The following CSE1L variants were observed in gnomAD, a reference collection of about 807,000 sequenced individuals.
CSE1L encodes exportin-2.
A neutral mutation model predicts 120.4 loss-of-function variants in CSE1L; 24 were observed. The observed-to-expected ratio is 0.20, with a 90% CI of 0.14 to 0.28. The LOEUF (loss-of-function observed/expected upper bound fraction) is 0.28. Ranked by LOEUF, CSE1L falls within the 10% of genes least tolerant of loss-of-function variation. CSE1L has a pLI of 1.00. For synonymous variants in CSE1L, 402 were observed against 398.3 expected, an observed-to-expected ratio of 1.01 and a Z score of -0.11; for missense variants, 830 against 1,145.2, an observed-to-expected ratio of 0.72 and a Z score of 3.97.
At chr20:49,053,350 T>C (rs1381089266) in intron 1 of CSE1L, among the ~76,000 whole-genome samples, 13 of 49,576 alleles carry the variant, frequency 2.6e-4, no homozygotes, top group African/African-American at 1.3e-3. Flanking sequence ...AAACTAACTT[T>C]TTTTTTTTTT....
intron 1 of CSE1L, among the ~76,000 whole-genome samples, chr20:49,055,277 T>C (rs1256267587): frequency 3.3e-5 from 5 of 152,238 alleles, no homozygotes; most frequent in Non-Finnish European, 4.4e-5. Context: ...AAACAAACTT[T>C]TAAGTTTTTT....
intron 1 of CSE1L, among the ~76,000 whole-genome samples, chr20:49,055,648 G>A (rs2091800701): frequency 6.6e-6 from 1 of 152,132 alleles, no homozygotes; most frequent in African/African-American, 2.4e-5. Flanking sequence ...GAGCCCTGGA[G>A]GTTGAGGCTG....
Position 49,096,678 on chromosome 20 carries a change from G to A in CSE1L, c.*240G>A. The A allele has an allele frequency of 1.9e-6, 1 of 538,024 alleles. No homozygotes were observed. The allele number at this position is 538,024 out of a possible 1,614,324, so 33.3% of individuals were successfully genotyped here. A position where few individuals can be genotyped will look rare whatever the true frequency, so the allele number is the denominator to read the frequency against. ...TCAAGGGACAAGTATTAATAGTTCAGTGTATGGCGTTGGTTTGTGTTGAGC... is the reference window on the plus strand; with the variant it reads ...TCAAGGGACAAGTATTAATAGTTCAATGTATGGCGTTGGTTTGTGTTGAGC... On this transcript the variant is annotated 3_prime_UTR_variant, in exon 25 of 25. Coordinates refer to ENST00000262982, the MANE Select transcript of CSE1L (RefSeq NM_001316.4).
chr20:49,087,351 C>CT (rs11483071), intron 16 of CSE1L, among the ~76,000 whole-genome samples: 42,107 of 116,150 alleles, frequency 0.36, 7,921 homozygotes, highest in Non-Finnish European at 0.41. Flanking sequence ...TTTTCTTTTT[C>CT]TTTTTTTTTT....
chr20:49,065,313 A>ATTTTTTTTTTTTTTTTTTTTTTTTTTTTT lies in CSE1L; in HGVS notation c.229-852_229-851insTTTTTTTTTTTTTTTTTTTTTTTTTTTTT, dbSNP rs376073464. Among the ~76,000 whole-genome samples the ATTTTTTTTTTTTTTTTTTTTTTTTTTTTT allele has an allele frequency of 1.1e-3, 59 of 52,108 alleles. 10 individuals are homozygous for ATTTTTTTTTTTTTTTTTTTTTTTTTTTTT. The highest frequency in any genetic ancestry group is 5.0e-3 in the East Asian group (5 of 1,002). 34.2% of individuals were successfully genotyped at this position (52,108 alleles called of 152,430 possible). ...AGTTTACATATGAAATGAAAAAAAA[A>ATTTTTTTTTTTTTTTTTTTTTTTTTTTTT]TTTTTTTTTTTTTTTTTTTTTTTTT... On this transcript the variant is annotated intron_variant, in intron 3 of 24. Transcript: ENST00000262982.
chr20:49,047,834 C>T (rs1302491389), intron 1 of CSE1L, among the ~76,000 whole-genome samples: 2 of 152,054 alleles, frequency 1.3e-5, no homozygotes, highest in Non-Finnish European at 2.9e-5. Context: ...TCTCCCATGG[C>T]TCTCCATCAA....
chr20:49,065,533 T>C (rs1214962341), intron 3 of CSE1L, among the ~76,000 whole-genome samples: 2 of 149,134 alleles, frequency 1.3e-5, no homozygotes, highest in Non-Finnish European at 3.0e-5. Flanking sequence ...TTGGCCAGGC[T>C]GGTCTCAAAC....
chr20:49,087,947 C>A, intron 16 of CSE1L, 62 bp from the exon 17 acceptor site: 1 of 1,131,492 alleles, frequency 8.8e-7, no homozygotes, highest in Non-Finnish European at 1.3e-6. Flanking sequence ...TCCCCCCAGT[C>A]GCTCTCTTAT....
chr20:49,070,399 A>G (rs1180442918), intron 8 of CSE1L, 102 bp downstream of exon 8: 1 of 619,866 alleles, frequency 1.6e-6, no homozygotes, highest in African/African-American at 1.9e-5. Context: ...AAAAGATAAA[A>G]TTTCAATACT....
At chr20:49,072,829 CAG>C in intron 10 of CSE1L, 132 bp downstream of exon 10, 4 of 961,228 alleles carry the variant, frequency 4.2e-6, no homozygotes, top group Non-Finnish European at 5.8e-6. Flanking sequence ...TAAACCAAGA[CAG>C]AAAATGTAGT....
chr20:49,074,800 C>G lies in CSE1L; in HGVS notation c.1082C>G (p.Ala361Gly). The G allele has an allele frequency of 1.2e-6, 2 of 1,612,518 alleles. No homozygotes were observed. The highest frequency in any genetic ancestry group is 1.7e-6 in the Non-Finnish European group (2 of 1,179,376). The change falls in exon 11 of 25, where the codon GCA (alanine) becomes GGA (glycine). Residue 361 changes from alanine (A) to glycine (G), a missense_variant. By Grantham distance (60) the Ala-to-Gly change is moderately conservative. Transcript: ENST00000262982. The stretch of plus-strand genomic sequence containing the variant: ...CTCCTTGTAGCTGCTGATGAAGAAG[C>G]ATTTGAAGATAATTCTGAGGAGTAC... ...NMEFRAADEE[A>G]FEDNSEEYIR... is the part of the protein sequence containing the mutation.
At position 49,075,412 on chromosome 20, in the gene CSE1L, T is replaced by G; in HGVS notation, c.1227T>G (p.Val409=). The G allele has an allele frequency of 6.2e-7, 1 of 1,614,118 alleles. No homozygotes were observed. Among genetic ancestry groups the G allele is most frequent in the Non-Finnish European group, 8.5e-7 (1 of 1,179,960 alleles). The change falls in exon 12 of 25, where the codon GTT becomes GTG. Residue 409 remains valine, a synonymous_variant. Transcript: ENST00000262982. The part of the protein sequence containing the change: ...GPVTGIFSGY[V]NSMLQEYAKN... ...TGACAGGAATCTTCTCTGGTTATGT[T>G]AATTCCATGCTGCAGGAATACGCAA...
At chr20:49,094,499 A>G (rs1005514449) in intron 23 of CSE1L, among the ~76,000 whole-genome samples, 1 of 152,208 alleles carries the variant, frequency 6.6e-6, no homozygotes, top group Non-Finnish European at 1.5e-5. Flanking sequence ...GACCCCTTTA[A>G]GAGTCTGATC....
At chr20:49,063,550 C>A (rs2091868610) in intron 3 of CSE1L, among the ~76,000 whole-genome samples, 1 of 151,944 alleles carries the variant, frequency 6.6e-6, no homozygotes, top group Admixed American at 6.6e-5. Context: ...AGAATGAGAC[C>A]TTGTCTCAAA....
intron 24 of CSE1L, 95 bp downstream of exon 24, chr20:49,095,058 G>A (rs1466204619): frequency 2.0e-5 from 19 of 961,378 alleles, no homozygotes; most frequent in Non-Finnish European, 2.9e-5. Flanking sequence ...TCATTGGTGG[G>A]CGTAATAAAA....
chr20:49,052,848 A>C (rs898903026), intron 1 of CSE1L, among the ~76,000 whole-genome samples: 5 of 152,180 alleles, frequency 3.3e-5, no homozygotes, highest in African/African-American at 1.2e-4. Flanking sequence ...TGGCCTCCCA[A>C]AATGCTGGGC....
intron 7 of CSE1L, 63 bp downstream of exon 7, chr20:49,068,885 C>G: frequency 1.7e-6 from 2 of 1,183,856 alleles, no homozygotes; most frequent in South Asian, 1.3e-5. Context: ...AGTTTTCTTT[C>G]TGTTTGATAA....
At chr20:49,087,938 C>T (rs2092072645) in intron 16 of CSE1L, 71 bp from the exon 17 acceptor site, 5 of 996,942 alleles carry the variant, frequency 5.0e-6, no homozygotes, top group Admixed American at 5.0e-5. Context: ...GCGCTTTTTT[C>T]CCCCCAGTCG....
At chr20:49,087,977 C>CT (rs569305914) in intron 16 of CSE1L, 32 bp from the exon 17 acceptor site, 695 of 1,407,940 alleles carry the variant, frequency 4.9e-4, no homozygotes, top group Non-Finnish European at 6.5e-4. Context: ...TAACTAAACT[C>CT]TATTTGTTTT....
Sources: gnomAD v4.1 joint callset for allele counts (sites outside exome capture counted in the v4.1 genomes callset) on GRCh38, gnomAD v4.1.1 for gene constraint, MANE v1.5 for transcripts, NCBI Gene and HGNC (gene_info 2026-07-23, HGNC 2026-07-21) for gene names.